Variants in STXBP5L observed in about 807,000 individuals in gnomAD.
The protein encoded by STXBP5L is syntaxin binding protein 5L, also known as syntaxin-binding protein 5-like.
Under a neutral mutation model 144.5 loss-of-function variants are expected in STXBP5L, and 65 were observed. The observed-to-expected ratio is 0.45, with a 90% CI of 0.37 to 0.55. STXBP5L has a LOEUF of 0.55. STXBP5L is among the 20% of genes least tolerant of loss of function. STXBP5L has a pLI of 0.00. For synonymous variants in STXBP5L, 505 were observed against 469.6 expected (o/e 1.08, Z -0.97); for missense variants, 1,298 against 1,405.5 (o/e 0.92, Z 1.22).
intron 20 of STXBP5L, among the ~76,000 whole-genome samples, chr3:121,329,834 TG>T (rs1482455209): frequency 6.6e-6 from 1 of 152,148 alleles, no homozygotes; most frequent in East Asian, 1.9e-4. Context: ...CACTCCAGCC[TG>T]GGTGACACAG....
intron 4 of STXBP5L, 81 bp downstream of exon 4, chr3:121,041,862 G>C (rs186641117): frequency 3.2e-6 from 3 of 931,260 alleles, no homozygotes; most frequent in Non-Finnish European, 5.2e-6. Context: ...TTTAAATACT[G>C]TGATTCTAAA....
chr3:121,416,506 T>A (rs866617905), intron 25 of STXBP5L, among the ~76,000 whole-genome samples: 1 of 132,298 alleles, frequency 7.6e-6, no homozygotes, highest in African/African-American at 2.8e-5. Context: ...TTTATTTATT[T>A]ATTATTTATT....
intron 22 of STXBP5L, among the ~76,000 whole-genome samples, chr3:121,399,160 C>T (rs549681766): frequency 6.6e-6 from 1 of 152,186 alleles, no homozygotes; most frequent in East Asian, 1.9e-4. Flanking sequence ...CCTTCCTCCT[C>T]CTCATCAGTG....
chr3:120,941,951 G>A (rs1235705393), intron 2 of STXBP5L, among the ~76,000 whole-genome samples: 1 of 151,686 alleles, frequency 6.6e-6, no homozygotes. Flanking sequence ...GCTCCTATAA[G>A]CATTTAAACA....
intron 9 of STXBP5L, 51 bp downstream of exon 9, chr3:121,157,678 A>G (rs569445150): frequency 1.9e-6 from 3 of 1,564,584 alleles, no homozygotes; most frequent in East Asian, 4.8e-5. Flanking sequence ...CAGTGCCTTG[A>G]CTTGAAGTAA....
intron 1 of STXBP5L, among the ~76,000 whole-genome samples, chr3:120,908,555 TC>T (rs1708652482): frequency 6.6e-6 from 1 of 151,468 alleles, no homozygotes; most frequent in South Asian, 2.1e-4. Flanking sequence ...CGCGAATGCC[TC>T]GGCGTGAGGT....
intron 3 of STXBP5L, among the ~76,000 whole-genome samples, chr3:120,979,701 C>G (rs150728191): frequency 2.6e-4 from 40 of 152,186 alleles, no homozygotes; most frequent in Non-Finnish European, 5.1e-4. Context: ...CTGCCAGCTC[C>G]GATCCTTTGT....
intron 7 of STXBP5L, among the ~76,000 whole-genome samples, chr3:121,124,582 A>G (rs931830909): frequency 6.6e-6 from 1 of 152,052 alleles, no homozygotes; most frequent in African/African-American, 2.4e-5. Context: ...AAGAAGTTTC[A>G]TAACTGATTA....
At chr3:121,380,015 G>A (rs538863001) in intron 21 of STXBP5L, among the ~76,000 whole-genome samples, 4 of 151,984 alleles carry the variant, frequency 2.6e-5, no homozygotes, top group East Asian at 1.9e-4. Flanking sequence ...TTCAGTTTTT[G>A]TAGAGACAGT....
At chr3:121,169,599 A>G (rs1029292594) in intron 9 of STXBP5L, among the ~76,000 whole-genome samples, 1 of 152,234 alleles carries the variant, frequency 6.6e-6, no homozygotes, top group African/African-American at 2.4e-5. Flanking sequence ...AGAGACAAAG[A>G]AGGGCATTAC....
intron 20 of STXBP5L, among the ~76,000 whole-genome samples, chr3:121,359,634 TGTA>T (rs1460873534): frequency 6.6e-6 from 1 of 152,024 alleles, no homozygotes; most frequent in Non-Finnish European, 1.5e-5. Flanking sequence ...TATGGTGAGA[TGTA>T]GAGGTCTATT....
chr3:121,146,173 A>G (rs982593256), intron 7 of STXBP5L, among the ~76,000 whole-genome samples: 1 of 152,074 alleles, frequency 6.6e-6, no homozygotes, highest in African/African-American at 2.4e-5. Flanking sequence ...GCATAATTAC[A>G]TGAACCAATT....
chr3:121,209,131 A>C (rs188957229), intron 10 of STXBP5L, among the ~76,000 whole-genome samples: 1 of 152,282 alleles, frequency 6.6e-6, no homozygotes, highest in African/African-American at 2.4e-5. Flanking sequence ...GTATTATTCC[A>C]TGGTGTATAT....
At chr3:121,040,680 T>G (rs1947084056) in intron 3 of STXBP5L, among the ~76,000 whole-genome samples, 1 of 152,060 alleles carries the variant, frequency 6.6e-6, no homozygotes, top group Non-Finnish European at 1.5e-5. Context: ...GACTGTTAAT[T>G]CTGTCTCCCC....
At chr3:121,360,566 T>TTTGA (rs911590871) in intron 20 of STXBP5L, among the ~76,000 whole-genome samples, 37 of 152,218 alleles carry the variant, frequency 2.4e-4, no homozygotes, top group African/African-American at 8.9e-4. Context: ...ATTCATTGTA[T>TTTGA]GCTTTTTGGT....
intron 5 of STXBP5L, among the ~76,000 whole-genome samples, chr3:121,082,590 A>G (rs2107697861): frequency 6.6e-6 from 1 of 152,326 alleles, no homozygotes; most frequent in Middle Eastern, 3.4e-3. Context: ...AATTCTTGGT[A>G]ATTTTATCTC....
intron 11 of STXBP5L, among the ~76,000 whole-genome samples, chr3:121,230,000 T>C (rs1025079306): frequency 1.3e-5 from 2 of 152,174 alleles, no homozygotes; most frequent in Non-Finnish European, 2.9e-5. Context: ...TTTGTTTCAG[T>C]TTTTATCGTA....
At chr3:121,203,306 T>A (rs148775495) in intron 9 of STXBP5L, among the ~76,000 whole-genome samples, 1 of 152,288 alleles carries the variant, frequency 6.6e-6, no homozygotes, top group African/African-American at 2.4e-5. Context: ...TTTCCCCTAT[T>A]TCCCTTCACA....
At chr3:121,052,236 C>G (rs555329791) in intron 5 of STXBP5L, among the ~76,000 whole-genome samples, 1 of 152,254 alleles carries the variant, frequency 6.6e-6, no homozygotes, top group South Asian at 2.1e-4. Flanking sequence ...TTTTATGAGG[C>G]CCGCATCATC....
Sources: allele counts gnomAD v4.1 joint callset (sites outside exome capture counted in the v4.1 genomes callset), GRCh38; gene constraint gnomAD v4.1.1; transcripts MANE v1.5; gene names NCBI Gene and HGNC (gene_info 2026-07-23, HGNC 2026-07-21).